ZC3H4: variants seen among roughly 807,000 people sequenced by gnomAD.
The protein encoded by ZC3H4 is zinc finger CCCH-type containing 4, also known as zinc finger CCCH domain-containing protein 4.
Under a neutral mutation model 108.3 loss-of-function variants are expected in ZC3H4, and 13 were observed. The observed-to-expected ratio is 0.12, with a 90% CI of 0.08 to 0.19. The LOEUF (loss-of-function observed/expected upper bound fraction) is 0.19. Ranked by LOEUF, ZC3H4 falls within the 10% of genes least tolerant of loss-of-function variation. The probability of loss-of-function intolerance (pLI) is 1.00; values close to 1 mark genes in which losing one functional copy is unlikely to be tolerated. For synonymous variants in ZC3H4, 917 were observed against 749.6 expected, an observed-to-expected ratio of 1.22 and a Z score of -3.65; for missense variants, 1,734 against 1,838.8, an observed-to-expected ratio of 0.94 and a Z score of 1.04.
chr19:47,106,470 A>G (rs1360906069), intron 2 of ZC3H4, among the ~76,000 whole-genome samples: 1 of 152,200 alleles, frequency 6.6e-6, no homozygotes, highest in East Asian at 1.9e-4. Flanking sequence ...GAGAAAAAAC[A>G]AAGCTTTTGG....
In ZC3H4 at chr19:47,067,732, C is replaced by G. The variant is rs1477748474; in HGVS notation, c.2536G>C (p.Asp846His). Residue 846 changes from aspartate (D) to histidine (H), a missense_variant, in exon 15 of 15, where the codon GAC (aspartate) becomes CAC (histidine). By Grantham distance (81) the Asp-to-His change is moderately conservative. Transcript: ENST00000253048. This position sits in a 1 kb window ranked among gnomAD's most constrained non-coding sequence, Gnocchi z 6.4. ...VGELSSSGLG[D>H]PRLQKGHPTG... ...GGGTGTCCCTTCTGGAGGCGGGGGT[C>G]CCCCAGCCCACTGCTGCTCAGCTCC... The G allele has an allele frequency of 6.2e-7, 1 of 1,606,814 alleles. No individual in the cohort carries two copies. Among genetic ancestry groups the G allele is most frequent in the African/African-American group, 1.3e-5 (1 of 74,866 alleles).
rs184260942 is a variant in ZC3H4, at chr19:47,111,279, G to A, written c.161+1145C>T. ...ACTCCTTCTGCTCGAGCAGGGGAAGGAAACGGGGCCCCAACCTCGCCCTGA... is the reference window on the plus strand; with the variant it reads ...ACTCCTTCTGCTCGAGCAGGGGAAGAAAACGGGGCCCCAACCTCGCCCTGA... On this transcript the variant is annotated intron_variant, in intron 2 of 14. Transcript: ENST00000253048. Among the ~76,000 whole-genome samples, 1,459 of 152,320 alleles carry A rather than the reference G, an allele frequency of 9.6e-3. 8 individuals carry two copies. The highest frequency in any genetic ancestry group is 0.015 in the Non-Finnish European group (1,030 of 68,026).
At chr19:47,101,529 T>C (rs1325443069) in intron 2 of ZC3H4, among the ~76,000 whole-genome samples, 1 of 152,050 alleles carries the variant, frequency 6.6e-6, no homozygotes, top group Non-Finnish European at 1.5e-5. Context: ...GCACCCAGCC[T>C]CTATAAATAA....
In ZC3H4 at chr19:47,071,966, G is replaced by T. The variant is rs148480867; in HGVS notation, c.1958C>A (p.Pro653Gln). Residue 653 changes from proline to glutamine, a missense_variant, in exon 13 of 15, where the codon CCG (proline) becomes CAG (glutamine). Pro to Gln is a moderately conservative substitution (Grantham distance 76, BLOSUM62 -1). This residue lies in a region of ZC3H4 where 540 missense variants were observed against 484.1 expected (regional missense o/e 1.12). Coordinates refer to ENST00000253048, the MANE Select transcript of ZC3H4 (RefSeq NM_015168.2). ...DMHADMHADM[P>Q]MGPGMNPGPP... ...GCCAGGATTCATGCCAGGGCCCATC[G>T]GCATGTCTGCGTGCATGTCTGCGTG... 1.1e-4 allele frequency: 181 copies of T among 1,611,776 alleles called. 3 individuals are homozygous for T. The highest frequency in any genetic ancestry group is 8.4e-4 in the South Asian group (76 of 90,872).
At chr19:47,099,130 T>C (rs1265029338) in intron 2 of ZC3H4, among the ~76,000 whole-genome samples, 2 of 152,192 alleles carry the variant, frequency 1.3e-5, no homozygotes, top group Non-Finnish European at 2.9e-5. Flanking sequence ...CCTAACTGGC[T>C]GGAATGCTAA....
At chr19:47,078,652 G>T (rs567032884) in intron 11 of ZC3H4, among the ~76,000 whole-genome samples, 1 of 152,024 alleles carries the variant, frequency 6.6e-6, no homozygotes, top group Non-Finnish European at 1.5e-5. Flanking sequence ...AACTAATCAC[G>T]AATTTGAGAC....
At chr19:47,077,177 C>T (rs974513565) in intron 11 of ZC3H4, among the ~76,000 whole-genome samples, 4 of 150,900 alleles carry the variant, frequency 2.7e-5, no homozygotes, top group Non-Finnish European at 4.4e-5. Flanking sequence ...AAAAACAACT[C>T]ACAGAACTAT....
chr19:47,105,542 T>C (rs2057957834), intron 2 of ZC3H4, among the ~76,000 whole-genome samples: 1 of 152,182 alleles, frequency 6.6e-6, no homozygotes, highest in Admixed American at 6.6e-5. Flanking sequence ...GAGGTTGCAG[T>C]GAGCCAAGAT....
At position 47,072,502 on chromosome 19, in the gene ZC3H4, G is replaced by A. The variant is rs1340393961; in HGVS notation, c.1652C>T (p.Pro551Leu). Residue 551 changes from proline (P) to leucine (L), a missense_variant, in exon 12 of 15, where the codon CCG (proline) becomes CTG (leucine). Around this residue, in one of 9 missense-constraint regions of ZC3H4, gnomAD observed 75 missense variants for 85.8 expected, o/e 0.87. Transcript: ENST00000253048. This position sits in a 1 kb window ranked among gnomAD's most constrained non-coding sequence, Gnocchi z 5.6. ...CATGGGCATCTGAGGGGGCCCGGGCGGTGGGGGAGGGGGAGGGGGCGGGGG... is the reference window on the plus strand; with the variant it reads ...CATGGGCATCTGAGGGGGCCCGGGCAGTGGGGGAGGGGGAGGGGGCGGGGG... The part of the protein sequence containing the change: ...PPPPPPPPPP[P>L]PGPPQMPMPV... 40 of 1,390,656 alleles carry A rather than the reference G, an allele frequency of 2.9e-5. No homozygotes were observed. Among genetic ancestry groups the A allele is most frequent in the African/African-American group, 5.8e-5 (4 of 69,436 alleles). 86.1% of individuals were successfully genotyped at this position (1,390,656 alleles called of 1,614,324 possible).
chr19:47,101,093 G>T (rs1463381831), intron 2 of ZC3H4, among the ~76,000 whole-genome samples: 1 of 152,018 alleles, frequency 6.6e-6, no homozygotes, highest in Admixed American at 6.6e-5. Context: ...TGTAATCCCA[G>T]CATTTTGGGA....
Position 47,071,922 on chromosome 19 carries a change from C to T in ZC3H4, c.2002G>A (p.Gly668Ser). ...MNPGPPMGPGGPPMMPYGPGD... is the reference protein window; with the variant it reads ...MNPGPPMGPGSPPMMPYGPGD... Reference sequence around the variant, plus strand: ...GGGCCGTAGGGCATCATTGGAGGGCCGCCAGGGCCCATGGGTGGGCCAGGA... The same window carrying T: ...GGGCCGTAGGGCATCATTGGAGGGCTGCCAGGGCCCATGGGTGGGCCAGGA... Residue 668 changes from glycine (G) to serine (S), a missense_variant, in exon 13 of 15, where the codon GGC becomes AGC. By Grantham distance (56) the Gly-to-Ser change is moderately conservative (BLOSUM62 0). This residue lies in a region of ZC3H4 where 540 missense variants were observed against 484.1 expected (regional missense o/e 1.12). Coordinates refer to ENST00000253048, the MANE Select transcript of ZC3H4 (RefSeq NM_015168.2). 1 of 1,612,208 alleles carries T rather than the reference C, an allele frequency of 6.2e-7. No homozygotes were observed. Among genetic ancestry groups the T allele is most frequent in the Non-Finnish European group, 8.5e-7 (1 of 1,179,098 alleles).
intron 2 of ZC3H4, among the ~76,000 whole-genome samples, chr19:47,111,656 T>A (rs1045462452): frequency 7.9e-5 from 12 of 151,820 alleles, no homozygotes; most frequent in African/African-American, 2.9e-4. Flanking sequence ...AAAAATAGGC[T>A]GGGGTTTTCA....
At chr19:47,100,463 G>A (rs1013305744) in intron 2 of ZC3H4, among the ~76,000 whole-genome samples, 2 of 151,894 alleles carry the variant, frequency 1.3e-5, no homozygotes, top group Non-Finnish European at 2.9e-5. Flanking sequence ...AACCACCCAA[G>A]TGAGACACAA....
intron 2 of ZC3H4, among the ~76,000 whole-genome samples, chr19:47,096,340 C>G (rs1329272618): frequency 1.3e-5 from 2 of 152,194 alleles, no homozygotes; most frequent in Non-Finnish European, 2.9e-5. Flanking sequence ...TGGAATGGGG[C>G]GGGGGTGCAG....
At position 47,069,039 on chromosome 19, in the gene ZC3H4, C is replaced by A. The variant is rs953075105; in HGVS notation, c.2398+53G>T. On this transcript the variant is annotated intron_variant, in intron 14 of 14. Transcript: ENST00000253048. ...CCTGGAACACCCCACCACCGCCGCT[C>A]CCCTGCACAGCGGCCTGGGGCCTGT... 2.5e-6 allele frequency: 4 copies of A among 1,599,660 alleles called. No homozygotes were observed. In the African/African-American group the frequency reaches 5.3e-5, roughly 21 times the overall value.
intron 2 of ZC3H4, among the ~76,000 whole-genome samples, chr19:47,097,611 G>A (rs894679681): frequency 1.1e-4 from 16 of 152,288 alleles, no homozygotes; most frequent in East Asian, 7.7e-4. Context: ...CCACCAGCGC[G>A]ACGGCACAAA....
Position 47,066,320 on chromosome 19 carries a change from A to C in ZC3H4, c.*36T>G. ...TGGGTGCTGCCCTGAATGCCACCCT[A>C]GGAAGGGTGGCTGGAGCCGCAGCTC... On this transcript the variant is annotated 3_prime_UTR_variant, in exon 15 of 15. Coordinates refer to ENST00000253048, the MANE Select transcript of ZC3H4 (RefSeq NM_015168.2). The C allele has an allele frequency of 6.8e-7, 1 of 1,465,064 alleles. No homozygotes were observed. Among genetic ancestry groups the C allele is most frequent in the Non-Finnish European group, 9.1e-7 (1 of 1,103,136 alleles). 90.8% of individuals were successfully genotyped at this position (1,465,064 alleles called of 1,614,324 possible).
In ZC3H4 at chr19:47,072,819, G is replaced by GA. The variant is rs2057354752; in HGVS notation, c.1441-107dup. The GA allele has an allele frequency of 1.5e-6, 2 of 1,339,700 alleles. No homozygotes were observed. Among genetic ancestry groups the GA allele is most frequent in the Non-Finnish European group, 2.0e-6 (2 of 982,906 alleles). 83.0% of individuals were successfully genotyped at this position (1,339,700 alleles called of 1,614,324 possible). A position where few individuals can be genotyped will look rare whatever the true frequency, so the allele number is the denominator to read the frequency against. ...TATGAGGAAAAGTCCATAATACAAG[G>GA]ACCTTGAGATCTAAAGGCATAAAGA... On this transcript the variant is annotated intron_variant, in intron 11 of 14. Coordinates refer to ENST00000253048, the MANE Select transcript of ZC3H4 (RefSeq NM_015168.2). This position sits in a 1 kb window ranked among gnomAD's most constrained non-coding sequence, Gnocchi z 5.6.
intron 2 of ZC3H4, among the ~76,000 whole-genome samples, chr19:47,103,560 G>A (rs552518777): frequency 3.3e-5 from 5 of 152,234 alleles, no homozygotes; most frequent in African/African-American, 1.2e-4. Context: ...AAGGCAGGCA[G>A]ATCACTTGAG....
Sources: gnomAD v4.1 joint callset for allele counts (sites outside exome capture counted in the v4.1 genomes callset) on GRCh38, gnomAD v4.1.1 for gene constraint, gnomAD v4.1.1 regional missense constraint, Gnocchi (gnomAD v3.1) non-coding constraint, MANE v1.5 for transcripts, NCBI Gene and HGNC (gene_info 2026-07-23, HGNC 2026-07-21) for gene names.